The following OCA2 variants were observed in gnomAD, a reference collection of about 807,000 sequenced individuals.
OCA2 encodes the protein OCA2 melanosomal transmembrane protein.
Under a neutral mutation model 100.2 loss-of-function variants are expected in OCA2, and 77 were observed. The observed-to-expected ratio is 0.77, with a 90% CI of 0.64 to 0.93. The LOEUF is 0.93. Ranked by LOEUF, OCA2 falls within the 40% of genes least tolerant of loss-of-function variation. The pLI is 0.00. For synonymous variants in OCA2, 432 were observed against 439.2 expected, an observed-to-expected ratio of 0.98 and a Z score of 0.21; for missense variants, 1,062 against 1,089.1, an observed-to-expected ratio of 0.98 and a Z score of 0.35.
intron 2 of OCA2, among the ~76,000 whole-genome samples, chr15:28,053,014 G>T (rs1485841064): frequency 6.6e-6 from 1 of 152,126 alleles, no homozygotes; most frequent in Non-Finnish European, 1.5e-5. Context: ...ATCTGAGGTG[G>T]GTCTTCAAGG....
At chr15:28,034,804 ATAATG>A (rs556109458) in intron 2 of OCA2, among the ~76,000 whole-genome samples, 3,020 of 152,322 alleles carry the variant, frequency 0.02, 56 homozygotes, top group African/African-American at 0.048. Context: ...TACACACTTA[ATAATG>A]AATGGGTTAA....
intron 19 of OCA2, among the ~76,000 whole-genome samples, chr15:27,892,293 A>G (rs938034315): frequency 1.3e-4 from 20 of 152,164 alleles, no homozygotes; most frequent in Non-Finnish European, 2.5e-4. Context: ...AAGATTTACC[A>G]AGATGTATCA....
In OCA2 at chr15:27,847,039, T is replaced by C. The variant is rs190310035; in HGVS notation, c.2339-1987A>G. Among the ~76,000 whole-genome samples, 8 of 152,290 alleles carry C rather than the reference T, an allele frequency of 5.3e-5. 1 individual carries two copies. On this transcript the variant is annotated intron_variant, in intron 22 of 23. Coordinates refer to ENST00000354638, the MANE Select transcript of OCA2 (RefSeq NM_000275.3). ...GGCTGCTCTCCCCCAGAGGCCCTCC[T>C]GCAACCAGATGTGTCTGAATTGCCT...
At chr15:28,081,397 A>G (rs557387122) in intron 2 of OCA2, among the ~76,000 whole-genome samples, 30 of 152,266 alleles carry the variant, frequency 2.0e-4, no homozygotes, top group African/African-American at 7.0e-4. Flanking sequence ...TTTAAATAAT[A>G]TATTAAGTGT....
intron 2 of OCA2, among the ~76,000 whole-genome samples, chr15:28,075,752 C>T (rs1298792209): frequency 6.6e-6 from 1 of 152,200 alleles, no homozygotes; most frequent in African/African-American, 2.4e-5. Context: ...AGAAACACAA[C>T]TTGGATGAAG....
chr15:27,916,554 A>G (rs887297664), intron 19 of OCA2, among the ~76,000 whole-genome samples: 1 of 152,214 alleles, frequency 6.6e-6, no homozygotes, highest in Non-Finnish European at 1.5e-5. Context: ...TCCTTAACAC[A>G]GGTTATTCAT....
At chr15:27,941,764 G>C (rs551640184) in intron 18 of OCA2, among the ~76,000 whole-genome samples, 15 of 152,194 alleles carry the variant, frequency 9.9e-5, no homozygotes, top group Non-Finnish European at 1.8e-4. Flanking sequence ...AAATGCTCCA[G>C]AGTTAGGAAC....
At chr15:27,745,198 G>A in the OCA2 span, among the ~76,000 whole-genome samples, 11 of 152,252 alleles carry the variant, frequency 7.2e-5, no homozygotes, top group South Asian at 2.1e-4. Flanking sequence ...AGACGGAGTC[G>A]GGCATTTCCA....
At chr15:27,791,548 T>C (rs1033613800) in intron 23 of OCA2, among the ~76,000 whole-genome samples, 24 of 152,358 alleles carry the variant, frequency 1.6e-4, no homozygotes, top group African/African-American at 3.6e-4. Context: ...TTTCCAGTGA[T>C]AGACCTGCTG....
In OCA2 at chr15:27,989,741, C is replaced by G. The variant is rs558941952; in HGVS notation, c.1117-75G>C. 7.7e-5 allele frequency: 104 copies of G among 1,357,308 alleles called. No homozygotes were observed. In the African/African-American group the frequency reaches 1.3e-3, roughly 17 times the overall value. The allele number at this position is 1,357,308 out of a possible 1,614,324, so 84.1% of individuals were successfully genotyped here. On this transcript the variant is annotated intron_variant, in intron 10 of 23. Coordinates refer to ENST00000354638, the MANE Select transcript of OCA2 (RefSeq NM_000275.3). ...GTGATGAGCCTAATGAAGCGCTGCC[C>G]CCTGCTGCAGACCCACTCAGTGGGC...
intron 19 of OCA2, among the ~76,000 whole-genome samples, chr15:27,888,073 T>G (rs572701082): frequency 6.6e-6 from 1 of 152,192 alleles, no homozygotes; most frequent in South Asian, 2.1e-4. Context: ...GATGCCATCT[T>G]AACAAACACT....
chr15:27,742,102 G>A, the OCA2 span, among the ~76,000 whole-genome samples: 1 of 152,176 alleles, frequency 6.6e-6, no homozygotes, highest in East Asian at 1.9e-4. Flanking sequence ...CAGGTGATAT[G>A]TTCATTTCAA....
At chr15:27,989,521 G>C in intron 11 of OCA2, 80 bp downstream of exon 11, 1 of 1,123,632 alleles carries the variant, frequency 8.9e-7, no homozygotes, top group East Asian at 2.4e-5. Flanking sequence ...ACATAATGAA[G>C]GACCCTCAGC....
intron 23 of OCA2, among the ~76,000 whole-genome samples, chr15:27,773,100 G>A (rs1319160319): frequency 6.6e-6 from 1 of 151,904 alleles, no homozygotes; most frequent in East Asian, 1.9e-4. Context: ...CTTTTCAATT[G>A]TATTATTTAA....
At chr15:27,984,216 T>G (rs889519438) in intron 13 of OCA2, among the ~76,000 whole-genome samples, 3 of 151,962 alleles carry the variant, frequency 2.0e-5, no homozygotes, top group Non-Finnish European at 4.4e-5. Flanking sequence ...GCTGTGGAGC[T>G]CCACCATGGC....
intron 9 of OCA2, among the ~76,000 whole-genome samples, chr15:28,013,043 T>C (rs929053908): frequency 2.6e-5 from 4 of 152,102 alleles, no homozygotes; most frequent in African/African-American, 9.7e-5. Context: ...GGCAGGGAGC[T>C]GGGCACCTTT....
At chr15:27,767,808 G>A (rs962002025) in intron 23 of OCA2, among the ~76,000 whole-genome samples, 2 of 152,206 alleles carry the variant, frequency 1.3e-5, no homozygotes, top group Admixed American at 6.5e-5. Context: ...GCCAGCAGAG[G>A]CAACCTACTG....
rs78459694 is a variant in OCA2 at position 27,861,979 on chromosome 15, G to A, written c.2244+9175C>T. On this transcript the variant is annotated intron_variant, in intron 21 of 23. Coordinates refer to ENST00000354638, the MANE Select transcript of OCA2 (RefSeq NM_000275.3). ...CACACACCCGGAATGCAGCCAGGATGCACTGGGTGGCCACGGCGTCACGTG... is the reference window on the plus strand; with the variant it reads ...CACACACCCGGAATGCAGCCAGGATACACTGGGTGGCCACGGCGTCACGTG... Among the ~76,000 whole-genome samples, 379 of 152,354 alleles carry A rather than the reference G, an allele frequency of 2.5e-3. 1 individual carries two copies. Among genetic ancestry groups the A allele is most frequent in the African/African-American group, 8.8e-3 (365 of 41,582 alleles).
chr15:27,982,084 T>C (rs1054346864), intron 14 of OCA2, among the ~76,000 whole-genome samples: 5 of 152,154 alleles, frequency 3.3e-5, no homozygotes, highest in South Asian at 2.1e-4. Flanking sequence ...TGTTTGACTA[T>C]CCCAGGCAAG....
Sources: gnomAD v4.1 joint callset for allele counts (sites outside exome capture counted in the v4.1 genomes callset) on GRCh38, gnomAD v4.1.1 for gene constraint, MANE v1.5 for transcripts, NCBI Gene and HGNC (gene_info 2026-07-23, HGNC 2026-07-21) for gene names.